Variants in CMC1 observed in about 807,000 individuals in gnomAD.
The protein encoded by CMC1 is COX assembly mitochondrial protein homolog.
In CMC1, 14 loss-of-function variants were observed where a neutral mutation model predicts 14.1. The observed-to-expected ratio is 0.99, with a 90% CI of 0.66 to 1.55. The LOEUF (loss-of-function observed/expected upper bound fraction) is 1.55. CMC1 is among the 40% of genes most tolerant of loss of function. The probability of loss-of-function intolerance (pLI) is 0.00; values close to 1 mark genes in which losing one functional copy is unlikely to be tolerated. For missense variants in CMC1, 127 were observed against 123.8 expected, an observed-to-expected ratio of 1.03 and a Z score of -0.12; for synonymous variants, 50 against 38.4, an observed-to-expected ratio of 1.30 and a Z score of -1.12.
At chr3:28,314,785 AT>A (rs966822817) in intron 2 of CMC1, among the ~76,000 whole-genome samples, 3 of 150,574 alleles carry the variant, frequency 2.0e-5, no homozygotes, top group African/African-American at 5.0e-5. Context: ...TTTTTTATGC[AT>A]TTAATAAATC....
At chr3:28,253,694 A>T (rs1455547890) in intron 1 of CMC1, 1 of 1,201,606 alleles carries the variant, frequency 8.3e-7, no homozygotes, top group Admixed American at 2.3e-5. Flanking sequence ...ACACTGTTGC[A>T]AGTTTATTAC....
intron 1 of CMC1, among the ~76,000 whole-genome samples, chr3:28,260,945 G>C (rs919839558): frequency 1.3e-5 from 2 of 152,104 alleles, no homozygotes; most frequent in African/African-American, 4.8e-5. Context: ...TGGTGTCAGG[G>C]AACATAGTTT....
intron 1 of CMC1, among the ~76,000 whole-genome samples, chr3:28,261,336 A>G (rs191788382): frequency 6.6e-6 from 1 of 152,116 alleles, no homozygotes; most frequent in Non-Finnish European, 1.5e-5. Context: ...AGTGTGGGCT[A>G]TCCTTAATGA....
intron 1 of CMC1, among the ~76,000 whole-genome samples, chr3:28,250,045 C>G (rs1699054401): frequency 1.3e-5 from 2 of 152,124 alleles, no homozygotes; most frequent in Non-Finnish European, 2.9e-5. Flanking sequence ...GAATTAAGGC[C>G]TCACCTTTAT....
intron 1 of CMC1, among the ~76,000 whole-genome samples, chr3:28,259,870 T>C (rs1034893467): frequency 1.3e-5 from 2 of 152,180 alleles, no homozygotes; most frequent in Non-Finnish European, 2.9e-5. Context: ...TGTGTGTGTA[T>C]AATTCTGTGT....
rs901669981 is a variant in CMC1, at chr3:28,258,152, T to C, written c.20-5139T>C. On this transcript the variant is annotated intron_variant, in intron 1 of 3. Transcript: ENST00000466830. ...AGCCTTTTGTCCATCTTTTATTGAGTTTTTATTATTGATAGTTAGGGGTTC... is the reference window on the plus strand; with the variant it reads ...AGCCTTTTGTCCATCTTTTATTGAGCTTTTATTATTGATAGTTAGGGGTTC... 3.3e-5 allele frequency among the ~76,000 whole-genome samples: 5 copies of C among 149,764 alleles called. No individual in the cohort carries two copies. The East Asian group carries it at 9.7e-4, about 29-fold the overall frequency.
chr3:28,265,658 T>C (rs1699971130), intron 2 of CMC1, among the ~76,000 whole-genome samples: 1 of 152,048 alleles, frequency 6.6e-6, no homozygotes, highest in Non-Finnish European at 1.5e-5. Flanking sequence ...ATCATAAGAA[T>C]TGGGTCAGAC....
Position 28,324,623 on chromosome 3 carries a change from T to C in CMC1, c.*4994T>C. 1 of 525,238 alleles carries C rather than the reference T, an allele frequency of 1.9e-6. No individual in the cohort carries two copies. Among genetic ancestry groups the C allele is most frequent in the South Asian group, 7.7e-5 (1 of 12,996 alleles). The allele number at this position is 525,238 out of a possible 1,614,324, so 32.5% of individuals were successfully genotyped here. Reference sequence around the variant, plus strand: ...GGAGATAAATGACAGATGATCTGAGTTTTAATCCTGGATCAGCAATTTACT... The same window carrying C: ...GGAGATAAATGACAGATGATCTGAGCTTTAATCCTGGATCAGCAATTTACT... On this transcript the variant is annotated 3_prime_UTR_variant, in exon 4 of 4. Transcript: ENST00000466830.
At position 28,263,352 on chromosome 3, in the gene CMC1, CAA is replaced by C. The variant is rs760091894; in HGVS notation, c.83_84del (p.Lys28ArgfsTer5). 25 of 1,606,676 alleles carry C rather than the reference CAA, an allele frequency of 1.6e-5. No homozygotes were observed. The African/African-American group carries it at 2.0e-4, about 13-fold the overall frequency. ...TCCCTAAAATAATGAGAGAAAAGGC[CAA>C]AGAGAGGTGTTCTGAACAAGTTCAA... Reference protein sequence around the residue: ...LIPKIMREKAKERCSEQVQDF... With the variant: ...LIPKIMREKAXERCSEQVQDF... On this transcript the variant is annotated frameshift_variant, in exon 2 of 4. Transcript: ENST00000466830. LOFTEE classifies it high-confidence loss of function.
chr3:28,249,943 G>A (rs1699043857), intron 1 of CMC1, among the ~76,000 whole-genome samples: 1 of 152,162 alleles, frequency 6.6e-6, no homozygotes, highest in Admixed American at 6.5e-5. Flanking sequence ...AGTGAGCGGG[G>A]AGGGATGGGG....
At chr3:28,310,028 C>T (rs958253829) in intron 2 of CMC1, among the ~76,000 whole-genome samples, 5 of 151,604 alleles carry the variant, frequency 3.3e-5, no homozygotes, top group Non-Finnish European at 5.9e-5. Context: ...GAATTATTCT[C>T]TGTAATATGT....
chr3:28,278,857 A>G (rs932733253), intron 2 of CMC1, among the ~76,000 whole-genome samples: 1 of 152,216 alleles, frequency 6.6e-6, no homozygotes, highest in Non-Finnish European at 1.5e-5. Flanking sequence ...GATAGCAAAT[A>G]CAGTTCATCT....
chr3:28,262,510 A>G (rs746118719), intron 1 of CMC1, among the ~76,000 whole-genome samples: 2 of 152,058 alleles, frequency 1.3e-5, no homozygotes, highest in Non-Finnish European at 1.5e-5. Context: ...CCTCCAGGGA[A>G]GTTTTCTTGC....
At chr3:28,314,595 A>G (rs916709738) in intron 2 of CMC1, among the ~76,000 whole-genome samples, 1 of 152,182 alleles carries the variant, frequency 6.6e-6, no homozygotes, top group African/African-American at 2.4e-5. Flanking sequence ...GGGGAATACT[A>G]TGTATCACTC....
chr3:28,308,186 G>T, intron 2 of CMC1, among the ~76,000 whole-genome samples: 1 of 151,662 alleles, frequency 6.6e-6, no homozygotes, highest in East Asian at 1.9e-4. Flanking sequence ...TTGTGACTGG[G>T]ACATCTTTGG....
At chr3:28,281,836 C>T (rs2125520674) in intron 2 of CMC1, among the ~76,000 whole-genome samples, 2 of 152,246 alleles carry the variant, frequency 1.3e-5, no homozygotes, top group South Asian at 4.1e-4. Context: ...ACTGGAAAAA[C>T]ATTTCAGACC....
intron 3 of CMC1, 112 bp downstream of exon 3, chr3:28,316,535 CAT>C (rs2125614163): frequency 2.1e-6 from 1 of 468,180 alleles, no homozygotes; most frequent in Non-Finnish European, 3.7e-6. Context: ...CCAAATTTAT[CAT>C]ATTGTTGGCT....
intron 1 of CMC1, among the ~76,000 whole-genome samples, chr3:28,259,038 T>A (rs2125451245): frequency 6.6e-6 from 1 of 152,338 alleles, no homozygotes; most frequent in East Asian, 1.9e-4. Flanking sequence ...ATCGGGTAGT[T>A]GCTGCATAGC....
At chr3:28,266,640 A>G (rs1239760012) in intron 2 of CMC1, among the ~76,000 whole-genome samples, 1 of 151,888 alleles carries the variant, frequency 6.6e-6, no homozygotes, top group African/African-American at 2.4e-5. Context: ...ACTGCGCTCA[A>G]CCTATGTTTC....
Sources: gnomAD v4.1 joint callset for allele counts (sites outside exome capture counted in the v4.1 genomes callset) on GRCh38, gnomAD v4.1.1 for gene constraint, MANE v1.5 for transcripts, NCBI Gene and HGNC (gene_info 2026-07-23, HGNC 2026-07-21) for gene names.